The following MAGI2 variants were observed in gnomAD, a reference collection of about 807,000 sequenced individuals.
MAGI2 encodes membrane associated guanylate kinase, WW and PDZ domain containing 2, also known as membrane-associated guanylate kinase, WW and PDZ domain-containing protein 2.
Under a neutral mutation model 133.3 loss-of-function variants are expected in MAGI2, and 35 were observed. The observed-to-expected ratio is 0.26, with a 90% confidence interval of 0.20 to 0.35. The LOEUF (loss-of-function observed/expected upper bound fraction) is 0.35. Among genes scored for constraint, MAGI2 ranks in the 10% least tolerant of loss-of-function variants. The pLI, the probability that MAGI2 is intolerant of heterozygous loss-of-function variation, is 1.00. For missense variants in MAGI2, 1,636 were observed against 1,863.4 expected (o/e 0.88, Z 2.25); for synonymous variants, 729 against 710.6 (o/e 1.03, Z -0.41).
intron 2 of MAGI2, among the ~76,000 whole-genome samples, chr7:78,628,774 G>C (rs982041900): frequency 1.4e-5 from 2 of 146,820 alleles, no homozygotes; most frequent in African/African-American, 5.1e-5. Context: ...CCTACATCTA[G>C]TATGCATAAT....
chr7:78,236,377 A>T (rs1202909696), intron 10 of MAGI2, among the ~76,000 whole-genome samples: 2 of 152,104 alleles, frequency 1.3e-5, no homozygotes, highest in African/African-American at 4.8e-5. Context: ...GCATTATTTG[A>T]CTCACACATG....
intron 1 of MAGI2, among the ~76,000 whole-genome samples, chr7:79,230,034 T>C (rs1339160203): frequency 2.7e-5 from 4 of 147,124 alleles, no homozygotes; most frequent in African/African-American, 7.5e-5. Flanking sequence ...TGAGTGAGAA[T>C]ATGCGGTGTT....
intron 1 of MAGI2, among the ~76,000 whole-genome samples, chr7:79,137,044 C>T (rs1170109402): frequency 1.3e-5 from 2 of 151,784 alleles, no homozygotes; most frequent in Non-Finnish European, 2.9e-5. Flanking sequence ...CAGGCTGGTG[C>T]GATCTTGGCT....
At chr7:78,415,722 T>C (rs542421483) in intron 6 of MAGI2, among the ~76,000 whole-genome samples, 15 of 152,072 alleles carry the variant, frequency 9.9e-5, no homozygotes, top group African/African-American at 3.4e-4. Flanking sequence ...TCAGCAGTGG[T>C]GGTAATAGAG....
At chr7:78,376,107 T>C (rs977435607) in intron 6 of MAGI2, among the ~76,000 whole-genome samples, 1 of 152,112 alleles carries the variant, frequency 6.6e-6, no homozygotes, top group Non-Finnish European at 1.5e-5. Flanking sequence ...CATTACCTCA[T>C]GTACAGGTAA....
At chr7:78,818,010 G>A (rs1451857943) in intron 2 of MAGI2, among the ~76,000 whole-genome samples, 2 of 152,118 alleles carry the variant, frequency 1.3e-5, no homozygotes, top group South Asian at 2.1e-4. Context: ...GCAGTGGTCT[G>A]GAACTGAACT....
chr7:78,566,453 C>T (rs895170395), intron 3 of MAGI2, among the ~76,000 whole-genome samples: 1 of 150,300 alleles, frequency 6.7e-6, no homozygotes, highest in Non-Finnish European at 1.5e-5. Context: ...TAATAAAGGA[C>T]TGAATTTCAC....
chr7:78,047,781 C>T (rs3779333), intron 21 of MAGI2, among the ~76,000 whole-genome samples: 16,077 of 152,232 alleles, frequency 0.11, 973 homozygotes, highest in East Asian at 0.16. Flanking sequence ...CTCCCACCGT[C>T]TCTTGGGAAG....
intron 6 of MAGI2, among the ~76,000 whole-genome samples, chr7:78,401,818 G>A (rs748626807): frequency 6.6e-6 from 1 of 152,116 alleles, no homozygotes; most frequent in Non-Finnish European, 1.5e-5. Context: ...ACAGGACTGA[G>A]GAAAGTATTT....
At chr7:78,962,206 T>C (rs1289454599) in intron 2 of MAGI2, among the ~76,000 whole-genome samples, 4 of 152,104 alleles carry the variant, frequency 2.6e-5, no homozygotes, top group Non-Finnish European at 5.9e-5. Context: ...AACTTTTTAC[T>C]AACAACATGA....
chr7:78,323,085 C>CA (rs3086514), intron 9 of MAGI2, among the ~76,000 whole-genome samples: 86 of 147,914 alleles, frequency 5.8e-4, no homozygotes, highest in East Asian at 1.6e-3. Flanking sequence ...GTAAAATTAC[C>CA]AAAAAAAAAT....
At chr7:79,442,777 G>T (rs1047370529) in intron 1 of MAGI2, among the ~76,000 whole-genome samples, 2 of 152,016 alleles carry the variant, frequency 1.3e-5, no homozygotes, top group Non-Finnish European at 2.9e-5. Flanking sequence ...CTAAGTATAT[G>T]ACTTGCTAGA....
chr7:78,918,001 C>G (rs1287541928), intron 2 of MAGI2, among the ~76,000 whole-genome samples: 3 of 152,020 alleles, frequency 2.0e-5, no homozygotes, highest in African/African-American at 7.2e-5. Flanking sequence ...TCTCATTGTT[C>G]AAGAGTTTTT....
chr7:78,155,752 G>A (rs999229215), intron 16 of MAGI2, among the ~76,000 whole-genome samples: 2 of 152,178 alleles, frequency 1.3e-5, no homozygotes, highest in South Asian at 4.1e-4. Context: ...CACTGACCTC[G>A]GAAGGAAGCA....
Position 78,489,752 on chromosome 7 carries a change from A to G in MAGI2, c.1045+9T>C, listed in dbSNP as rs1793423917. 2 of 1,604,434 alleles carry G rather than the reference A, an allele frequency of 1.2e-6. No individual in the cohort carries two copies. The highest frequency in any genetic ancestry group is 1.7e-6 in the Non-Finnish European group (2 of 1,172,310). On this transcript the variant is annotated intron_variant, in intron 6 of 21. Transcript: ENST00000354212. ...ATTGCTGAAACACCATAAAAACTTA[A>G]TAACCTACCATTTTCTTTGCACTCT...
At chr7:79,214,397 CTCTCTCTCTCTATA>C (rs1225245296) in intron 1 of MAGI2, among the ~76,000 whole-genome samples, 28 of 82,718 alleles carry the variant, frequency 3.4e-4, no homozygotes, top group African/African-American at 1.0e-3. Context: ...CTCTCTCTCT[CTCTCTCTCTCTATA>C]TATATATATA....
intron 1 of MAGI2, among the ~76,000 whole-genome samples, chr7:79,074,875 G>T (rs1020719662): frequency 6.6e-6 from 1 of 152,150 alleles, no homozygotes; most frequent in Non-Finnish European, 1.5e-5. Flanking sequence ...ACTAACTGTG[G>T]CTTAATTAAT....
chr7:79,052,102 A>C (rs533677070), intron 1 of MAGI2, among the ~76,000 whole-genome samples: 1 of 152,266 alleles, frequency 6.6e-6, no homozygotes, highest in East Asian at 1.9e-4. Context: ...AAAAAGATTA[A>C]AAATTGTGGG....
chr7:78,596,184 G>GAGGGAGAGAAGGAATGA (rs2150862570), intron 3 of MAGI2, among the ~76,000 whole-genome samples: 1 of 120,332 alleles, frequency 8.3e-6, no homozygotes, highest in Non-Finnish European at 1.7e-5. Flanking sequence ...TGAAGGAAGG[G>GAGGGAGAGAAGGAATGA]AGGGAGGGAG....
Sources: allele counts gnomAD v4.1 joint callset (sites outside exome capture counted in the v4.1 genomes callset), GRCh38; gene constraint gnomAD v4.1.1; transcripts MANE v1.5; gene names NCBI Gene and HGNC (gene_info 2026-07-23, HGNC 2026-07-21).